The following VAV3 variants were observed in gnomAD, a reference collection of about 807,000 sequenced individuals.
VAV3 encodes the protein vav guanine nucleotide exchange factor 3.
VAV3 carries 94 observed loss-of-function variants against 131.2 expected under a neutral mutation model. The ratio of observed to expected loss-of-function variants is 0.72; its 90% confidence interval spans 0.61 to 0.85. The LOEUF is 0.85. VAV3 is among the 40% of genes least tolerant of loss of function. VAV3 has a pLI of 0.00. For synonymous variants in VAV3, 349 were observed against 342.0 expected (o/e 1.02, Z -0.22); for missense variants, 939 against 1,002.7 (o/e 0.94, Z 0.86).
At chr1:107,908,612 C>A (rs1030982242) in intron 1 of VAV3, among the ~76,000 whole-genome samples, 3 of 151,976 alleles carry the variant, frequency 2.0e-5, no homozygotes, top group African/African-American at 7.3e-5. Context: ...GTTCACTCTT[C>A]GGGCCTTTGG....
chr1:107,904,070 T>C (rs1671994011), intron 1 of VAV3, among the ~76,000 whole-genome samples: 1 of 152,164 alleles, frequency 6.6e-6, no homozygotes, highest in Non-Finnish European at 1.5e-5. Context: ...CCACCTTACG[T>C]GCTCCATCAT....
At chr1:107,881,146 C>G (rs747260390) in intron 1 of VAV3, among the ~76,000 whole-genome samples, 1 of 152,070 alleles carries the variant, frequency 6.6e-6, no homozygotes, top group Non-Finnish European at 1.5e-5. Context: ...TTTCTTCTTA[C>G]TAGAGAGATG....
Position 107,772,838 on chromosome 1 carries a change from G to C in VAV3, c.452C>G (p.Thr151Ser), listed in dbSNP as rs776908186. Reference sequence around the variant, plus strand: ...GAGATCTTCTTCATCTTCCACAAGGGTTTCACTACAACAAAGGATATCATA... The same window carrying C: ...GAGATCTTCTTCATCTTCCACAAGGCTTTCACTACAACAAAGGATATCATA... ...YKGLPDLIDE[T>S]LVEDEEDLYD... is the part of the protein sequence containing the mutation. Residue 151 changes from threonine to serine, a missense_variant, in exon 5 of 27, where the codon ACC (threonine) becomes AGC (serine). Transcript: ENST00000370056. The C allele has an allele frequency of 1.2e-5, 20 of 1,612,264 alleles. No individual in the cohort carries two copies. The South Asian group carries it at 2.2e-4, about 18-fold the overall frequency.
intron 2 of VAV3, among the ~76,000 whole-genome samples, chr1:107,850,316 C>A (rs1396152498): frequency 6.6e-6 from 1 of 152,090 alleles, no homozygotes; most frequent in Non-Finnish European, 1.5e-5. Flanking sequence ...GACTTCAAAC[C>A]AACCTAAATG....
intron 15 of VAV3, among the ~76,000 whole-genome samples, chr1:107,734,490 C>T (rs1311564005): frequency 6.6e-6 from 1 of 152,046 alleles, no homozygotes; most frequent in Non-Finnish European, 1.5e-5. Context: ...CACACACAGG[C>T]TCAAAATAAA....
chr1:107,680,015 A>T (rs1658492266), intron 19 of VAV3, among the ~76,000 whole-genome samples: 1 of 152,192 alleles, frequency 6.6e-6, no homozygotes, highest in African/African-American at 2.4e-5. Flanking sequence ...AAGACAAGAA[A>T]AAATAAAGAG....
chr1:107,777,612 A>G lies in VAV3; in HGVS notation c.381-316T>C, dbSNP rs1665438991. ...GATCTCCCACCTGCCACATACCTGCAGGGTCACCTCACCCACTGCAGCACC... is the reference window on the plus strand; with the variant it reads ...GATCTCCCACCTGCCACATACCTGCGGGGTCACCTCACCCACTGCAGCACC... On this transcript the variant is annotated intron_variant, in intron 3 of 26. Coordinates refer to ENST00000370056, the MANE Select transcript of VAV3 (RefSeq NM_006113.5). 8.6e-6 allele frequency: 3 copies of G among 348,762 alleles called. No individual in the cohort carries two copies. In the Admixed American group the frequency reaches 1.3e-4, roughly 16 times the overall value. 21.6% of individuals were successfully genotyped at this position (348,762 alleles called of 1,614,324 possible).
chr1:107,723,344 C>G (rs17019787), intron 15 of VAV3, among the ~76,000 whole-genome samples: 15,706 of 151,846 alleles, frequency 0.1, 973 homozygotes, highest in East Asian at 0.25. Flanking sequence ...TGTGTTTTCT[C>G]TCCACACAAA....
rs189266293 is a variant in VAV3 at position 107,918,999 on chromosome 1, G to C, written c.205-43982C>G. On this transcript the variant is annotated intron_variant, in intron 1 of 26. Transcript: ENST00000370056. The stretch of plus-strand genomic sequence containing the variant: ...TGGGATTACAGGCACGAGCCACCCC[G>C]CTGGACCAAGGCATATTTTACCACT... 5.9e-5 allele frequency among the ~76,000 whole-genome samples: 9 copies of C among 152,076 alleles called. No individual in the cohort carries two copies. The East Asian group carries it at 1.5e-3, about 26-fold the overall frequency.
intron 2 of VAV3, among the ~76,000 whole-genome samples, chr1:107,872,420 T>C (rs566751433): frequency 6.6e-6 from 1 of 152,290 alleles, no homozygotes; most frequent in Admixed American, 6.5e-5. Context: ...AGAGCACACA[T>C]AGATATTATT....
chr1:107,736,996 C>T (rs868782324), intron 15 of VAV3, among the ~76,000 whole-genome samples: 68 of 152,192 alleles, frequency 4.5e-4, no homozygotes, highest in African/African-American at 1.6e-3. Context: ...GGTACTGGTA[C>T]CAAAACAGAG....
intron 2 of VAV3, among the ~76,000 whole-genome samples, chr1:107,862,220 A>G (rs1034593220): frequency 6.6e-6 from 1 of 151,518 alleles, no homozygotes; most frequent in Non-Finnish European, 1.5e-5. Flanking sequence ...GACTCCACAC[A>G]GCTGCAGTGA....
At chr1:107,838,466 G>A (rs1381844761) in intron 2 of VAV3, among the ~76,000 whole-genome samples, 1 of 152,186 alleles carries the variant, frequency 6.6e-6, no homozygotes, top group Non-Finnish European at 1.5e-5. Flanking sequence ...TGGCAAGGCT[G>A]TGGAGAAAAG....
At chr1:107,632,144 A>G (rs1354222788) in intron 20 of VAV3, among the ~76,000 whole-genome samples, 4 of 152,192 alleles carry the variant, frequency 2.6e-5, no homozygotes, top group South Asian at 2.1e-4. Context: ...AATAATACCA[A>G]TTACCAACTG....
intron 1 of VAV3, among the ~76,000 whole-genome samples, chr1:107,948,820 T>C (rs750383881): frequency 1.3e-5 from 2 of 151,826 alleles, no homozygotes; most frequent in Admixed American, 6.6e-5. Flanking sequence ...CACTCCAGCC[T>C]GGGCAAGAGA....
rs1216586549 is a variant in VAV3 at position 107,704,703 on chromosome 1, T to C, written c.1605-53A>G. On this transcript the variant is annotated intron_variant, in intron 16 of 26. Coordinates refer to ENST00000370056, the MANE Select transcript of VAV3 (RefSeq NM_006113.5). ...ATTAAACGGTGCAAAATTCTGCCCA[T>C]ATGAAATTACTGCAAGAAGAAGAAA... is the stretch of plus-strand genomic sequence containing the variant. 3.3e-5 allele frequency: 47 copies of C among 1,437,512 alleles called. No individual in the cohort carries two copies. The South Asian group carries it at 4.7e-4, about 14-fold the overall frequency. The allele number at this position is 1,437,512 out of a possible 1,614,324, so 89.0% of individuals were successfully genotyped here.
chr1:107,779,739 C>A (rs1665582746), intron 2 of VAV3, among the ~76,000 whole-genome samples: 1 of 152,044 alleles, frequency 6.6e-6, no homozygotes, highest in Non-Finnish European at 1.5e-5. Context: ...ATTTGAGTTG[C>A]AGATTCTATA....
At chr1:107,576,307 T>A in intron 25 of VAV3, 1 of 1,152,616 alleles carries the variant, frequency 8.7e-7, no homozygotes, top group Non-Finnish European at 1.2e-6. Context: ...GATGTATCCG[T>A]ATGAGAAGCC....
intron 2 of VAV3, among the ~76,000 whole-genome samples, chr1:107,811,890 T>G (rs1265909875): frequency 1.3e-5 from 2 of 149,096 alleles, no homozygotes; most frequent in African/African-American, 5.0e-5. Context: ...ATTGACAGAT[T>G]AAATAATATG....
Sources: gnomAD v4.1 joint callset for allele counts (sites outside exome capture counted in the v4.1 genomes callset) on GRCh38, gnomAD v4.1.1 for gene constraint, MANE v1.5 for transcripts, NCBI Gene and HGNC (gene_info 2026-07-23, HGNC 2026-07-21) for gene names.